Variants in JRK observed in about 807,000 individuals in gnomAD.
JRK encodes the protein jerky protein homolog.
For synonymous variants in JRK, 303 were observed against 218.1 expected, an observed-to-expected ratio of 1.39 and a Z score of -3.43; for missense variants, 720 against 509.2, an observed-to-expected ratio of 1.41 and a Z score of -3.98.
chr8:142,664,792 T>A lies in JRK; in HGVS notation c.1267A>T (p.Lys423Ter). 2 of 1,593,038 alleles carry A rather than the reference T, an allele frequency of 1.3e-6. No individual in the cohort carries two copies. Among genetic ancestry groups the A allele is most frequent in the Non-Finnish European group, 1.7e-6 (2 of 1,170,426 alleles). The change falls in exon 2 of 2, where the codon AAG becomes TAG. Residue 423 changes from lysine to a stop codon, truncating the protein, a stop_gained. Coordinates refer to ENST00000612905, the MANE Select transcript of JRK (RefSeq NM_003724.4). LOFTEE classifies it low-confidence loss of function (END_TRUNC). ...KSFAHILELV[K>*]EGSSCPGQLR... ...TGGCCCGGGCAGGAGGAGCCTTCCT[T>A]CACAAGCTCCAGGATGTGTGCAAAG...
Position 142,659,034 on chromosome 8 carries a change from G to A in JRK, c.*5318C>T. 6.8e-7 allele frequency: 1 copy of A among 1,472,832 alleles called. No homozygotes were observed. Among genetic ancestry groups the A allele is most frequent in the South Asian group, 1.4e-5 (1 of 71,528 alleles). 91.2% of individuals were successfully genotyped at this position (1,472,832 alleles called of 1,614,324 possible). ...GTCACTTCCCTCTGCCAGGGAGAAT[G>A]GTGGAGGAAGAATGGATTCCTAGTG... On this transcript the variant is annotated 3_prime_UTR_variant, in exon 2 of 2. Transcript: ENST00000612905.
At position 142,661,546 on chromosome 8, in the gene JRK, C is replaced by G; in HGVS notation, c.*2806G>C. 1 of 985,538 alleles carries G rather than the reference C, an allele frequency of 1.0e-6. No homozygotes were observed. Among genetic ancestry groups the G allele is most frequent in the Non-Finnish European group, 1.2e-6 (1 of 829,990 alleles). The allele number at this position is 985,538 out of a possible 1,614,324, so 61.0% of individuals were successfully genotyped here. A position where few individuals can be genotyped will look rare whatever the true frequency, so the allele number is the denominator to read the frequency against. ...GCAGCACCTGCTACCCCACGAGCCA[C>G]TGGAAAACTGAGGCTGCAACTTGCA... On this transcript the variant is annotated 3_prime_UTR_variant, in exon 2 of 2. Coordinates refer to ENST00000612905, the MANE Select transcript of JRK (RefSeq NM_003724.4).
chr8:142,664,332 A>G lies in JRK; in HGVS notation c.*20T>C. ...GTGGGGAGAAACAGGGCCAGTGGCC[A>G]GGGCAGGGCAGAGAAGCCATCAGTT... On this transcript the variant is annotated 3_prime_UTR_variant, in exon 2 of 2. Coordinates refer to ENST00000612905, the MANE Select transcript of JRK (RefSeq NM_003724.4). 2.0e-6 allele frequency: 3 copies of G among 1,532,214 alleles called. No individual in the cohort carries two copies. The highest frequency in any genetic ancestry group is 2.6e-6 in the Non-Finnish European group (3 of 1,137,494). 94.9% of individuals were successfully genotyped at this position (1,532,214 alleles called of 1,614,324 possible). A position where few individuals can be genotyped will look rare whatever the true frequency, so the allele number is the denominator to read the frequency against.
Position 142,666,291 on chromosome 8 carries a change from C to A in JRK, c.-233G>T, listed in dbSNP as rs145423548. ...TCTTCCAGGCTCCACACACCTAGGC[C>A]TTGGCTCCTGGCAGTGCAGTCAGCT... On this transcript the variant is annotated 5_prime_UTR_variant, in exon 2 of 2. In the 5' UTR this introduces an upstream ATG that the reference lacks. Transcript: ENST00000612905. The A allele has an allele frequency of 1.6e-4, 110 of 675,164 alleles. No homozygotes were observed. Among genetic ancestry groups the A allele is most frequent in the Non-Finnish European group, 2.5e-4 (100 of 392,968 alleles). 41.8% of individuals were successfully genotyped at this position (675,164 alleles called of 1,614,324 possible). A position where few individuals can be genotyped will look rare whatever the true frequency, so the allele number is the denominator to read the frequency against.
rs149630495 is a variant in JRK, at chr8:142,666,532, AG to A, written c.-462-13del. On this transcript the variant is annotated splice_polypyrimidine_tract_variant and intron_variant, in intron 1 of 1. Transcript: ENST00000612905. Reference sequence around the variant, plus strand: ...CAGCACTTCAGGGGCTGGAAAGCAGAGGGAACAGAGAGGAAAGTGATGGGGC... The same window carrying A: ...CAGCACTTCAGGGGCTGGAAAGCAGAGGAACAGAGAGGAAAGTGATGGGGC... The A allele has an allele frequency of 0.023, 6,200 of 264,266 alleles. 336 individuals carry two copies. Among genetic ancestry groups the A allele is most frequent in the African/African-American group, 0.12 (5,413 of 45,374 alleles). The allele number at this position is 264,266 out of a possible 1,614,324, so 16.4% of individuals were successfully genotyped here. A position where few individuals can be genotyped will look rare whatever the true frequency, so the allele number is the denominator to read the frequency against.
rs1466415023 is a variant in JRK at position 142,664,031 on chromosome 8, G to A, written c.*321C>T. 5.2e-6 allele frequency: 6 copies of A among 1,152,896 alleles called. No individual in the cohort carries two copies. The highest frequency in any genetic ancestry group is 1.6e-5 in the African/African-American group (1 of 62,928). The allele number at this position is 1,152,896 out of a possible 1,614,324, so 71.4% of individuals were successfully genotyped here. On this transcript the variant is annotated 3_prime_UTR_variant, in exon 2 of 2. Coordinates refer to ENST00000612905, the MANE Select transcript of JRK (RefSeq NM_003724.4). Reference sequence around the variant, plus strand: ...ACTGCAATGATCAGCCAGCGAACACGAGACCAGATCGGCTCAGCCTGGCCC... The same window carrying A: ...ACTGCAATGATCAGCCAGCGAACACAAGACCAGATCGGCTCAGCCTGGCCC...
At chr8:142,652,030 T>G in the JRK span, among the ~76,000 whole-genome samples, 2 of 151,802 alleles carry the variant, frequency 1.3e-5, no homozygotes, top group African/African-American at 2.4e-5. Flanking sequence ...TGGTGGGAGT[T>G]GTACAGCATA....
Position 142,664,177 on chromosome 8 carries a change from C to T in JRK, c.*175G>A, listed in dbSNP as rs1554635038. On this transcript the variant is annotated 3_prime_UTR_variant, in exon 2 of 2. Transcript: ENST00000612905. The stretch of plus-strand genomic sequence containing the variant: ...ATAAAACCTGTATTGACAGGAACCT[C>T]GGGCACAGACCGTCCTGGGCACCCG... The T allele has an allele frequency of 1.5e-6, 2 of 1,375,992 alleles. No homozygotes were observed. Among genetic ancestry groups the T allele is most frequent in the South Asian group, 2.0e-5 (1 of 49,286 alleles). 85.2% of individuals were successfully genotyped at this position (1,375,992 alleles called of 1,614,324 possible). A position where few individuals can be genotyped will look rare whatever the true frequency, so the allele number is the denominator to read the frequency against.
At position 142,666,322 on chromosome 8, in the gene JRK, TTCTC is replaced by T; in HGVS notation, c.-268_-265del. 1 of 579,258 alleles carries T rather than the reference TTCTC, an allele frequency of 1.7e-6. No homozygotes were observed. Among genetic ancestry groups the T allele is most frequent in the Middle Eastern group, 4.9e-4 (1 of 2,052 alleles). The allele number at this position is 579,258 out of a possible 1,614,324, so 35.9% of individuals were successfully genotyped here. ...TCCTGGCAGTGCAGTCAGCTGCCAA[TTCTC>T]TCTGTGGAGGAGGTGACCCTGTCAG... On this transcript the variant is annotated 5_prime_UTR_variant, in exon 2 of 2. Transcript: ENST00000612905.
downstream of JRK, among the ~76,000 whole-genome samples, chr8:142,656,958 A>T (rs1376053528): frequency 2.0e-5 from 3 of 152,022 alleles, no homozygotes; most frequent in Non-Finnish European, 4.4e-5. Context: ...CAGCACTGCC[A>T]TGAGGCAGAA....
At chr8:142,652,919 C>A (rs782074317), downstream of JRK, among the ~76,000 whole-genome samples, 5 of 152,194 alleles carry the variant, frequency 3.3e-5, no homozygotes, top group African/African-American at 1.2e-4. Flanking sequence ...ATTTTTTACA[C>A]CCCTCTGTGA....
In JRK at chr8:142,663,647, G is replaced by C. The variant is rs1563793064; in HGVS notation, c.*705C>G. ...GCCACTCCTACTTTCTTCCCAGAAA[G>C]GAACTCTACCAAGTCAACTCTCCGT... On this transcript the variant is annotated 3_prime_UTR_variant, in exon 2 of 2. Transcript: ENST00000612905. 2.0e-6 allele frequency: 2 copies of C among 985,358 alleles called. No individual in the cohort carries two copies. Among genetic ancestry groups the C allele is most frequent in the South Asian group, 4.7e-5 (1 of 21,288 alleles). The allele number at this position is 985,358 out of a possible 1,614,324, so 61.0% of individuals were successfully genotyped here. A position where few individuals can be genotyped will look rare whatever the true frequency, so the allele number is the denominator to read the frequency against.
downstream of JRK, among the ~76,000 whole-genome samples, chr8:142,656,165 ATC>A (rs1206239918): frequency 6.6e-6 from 1 of 152,184 alleles, no homozygotes; most frequent in African/African-American, 2.4e-5. Context: ...CCTCATAATT[ATC>A]TGTTGAAGAG....
In JRK at chr8:142,664,523, C is replaced by G. The variant is rs1554635148; in HGVS notation, c.1536G>C (p.Val512=). Residue 512 remains valine (V), a synonymous_variant, in exon 2 of 2, where the codon GTG becomes GTC. Transcript: ENST00000612905. The part of the protein sequence containing the change: ...ERQPCFSAQE[V]GQLRALRAVF... Reference sequence around the variant, plus strand: ...CGGCACGCAGCGCCCGCAGCTGCCCCACTTCCTGCGCACTGAAGCATGGCT... The same window carrying G: ...CGGCACGCAGCGCCCGCAGCTGCCCGACTTCCTGCGCACTGAAGCATGGCT... 1 of 1,609,210 alleles carries G rather than the reference C, an allele frequency of 6.2e-7. No homozygotes were observed.
chr8:142,656,740 A>G (rs374595408), downstream of JRK, among the ~76,000 whole-genome samples: 39 of 152,298 alleles, frequency 2.6e-4, 2 homozygotes, highest in South Asian at 7.9e-3. Context: ...CTGCTTCTCC[A>G]GTGGCTCTGC....
At chr8:142,668,338 T>C (rs587706710) in intron 1 of JRK, among the ~76,000 whole-genome samples, 3 of 152,276 alleles carry the variant, frequency 2.0e-5, no homozygotes, top group African/African-American at 2.4e-5. Context: ...TCTGGGTGAG[T>C]ACTGTCCTCT....
Position 142,659,785 on chromosome 8 carries a change from A to C in JRK, c.*4567T>G. The C allele has an allele frequency of 3.0e-6, 3 of 985,584 alleles. No homozygotes were observed. Among genetic ancestry groups the C allele is most frequent in the Non-Finnish European group, 3.6e-6 (3 of 830,016 alleles). The allele number at this position is 985,584 out of a possible 1,614,324, so 61.1% of individuals were successfully genotyped here. A position where few individuals can be genotyped will look rare whatever the true frequency, so the allele number is the denominator to read the frequency against. On this transcript the variant is annotated 3_prime_UTR_variant, in exon 2 of 2. Transcript: ENST00000612905. ...CAGGGAGTGAGCAGTGGAGAACGTG[A>C]GGCTGGTCATTAGGAGCAGGTAGCC...
chr8:142,645,326 A>C, the JRK span, among the ~76,000 whole-genome samples: 34 of 152,164 alleles, frequency 2.2e-4, no homozygotes, highest in South Asian at 1.5e-3. Flanking sequence ...TTTCTAAGCA[A>C]ACCAAAACAA....
In JRK at chr8:142,665,557, A is replaced by G. The variant is rs1847091126; in HGVS notation, c.502T>C (p.Phe168Leu). ...TGCTCAGCAGCCAAGCTCCTGAAAAACGCACAGAACTGCTCCGCGGCCTGG... is the reference window on the plus strand; with the variant it reads ...TGCTCAGCAGCCAAGCTCCTGAAAAGCGCACAGAACTGCTCCGCGGCCTGG... ...DHQAAEQFCA[F>L]FRSLAAEHGL... The change falls in exon 2 of 2, where the codon TTT becomes CTT. Residue 168 changes from phenylalanine to leucine, a missense_variant. Transcript: ENST00000612905. The G allele has an allele frequency of 1.4e-6, 1 of 718,340 alleles. No homozygotes were observed. 44.5% of individuals were successfully genotyped at this position (718,340 alleles called of 1,614,324 possible). A position where few individuals can be genotyped will look rare whatever the true frequency, so the allele number is the denominator to read the frequency against.
Sources: gnomAD v4.1 joint callset for allele counts (sites outside exome capture counted in the v4.1 genomes callset) on GRCh38, gnomAD v4.1.1 for gene constraint, MANE v1.5 for transcripts, NCBI Gene and HGNC (gene_info 2026-07-23, HGNC 2026-07-21) for gene names.